PPP1R9A: variants seen among roughly 807,000 people sequenced by gnomAD.
PPP1R9A encodes the protein neurabin-1.
In PPP1R9A, 59 loss-of-function variants were observed where a neutral mutation model predicts 141.9. The ratio of observed to expected loss-of-function variants is 0.42; its 90% CI spans 0.34 to 0.52. The LOEUF (loss-of-function observed/expected upper bound fraction) is 0.52. Ranked by LOEUF, PPP1R9A falls within the 20% of genes least tolerant of loss-of-function variation. PPP1R9A has a pLI of 0.10. For missense variants in PPP1R9A, 1,444 were observed against 1,611.9 expected, an observed-to-expected ratio of 0.90 and a Z score of 1.78; for synonymous variants, 500 against 569.7, an observed-to-expected ratio of 0.88 and a Z score of 1.74.
intron 12 of PPP1R9A, among the ~76,000 whole-genome samples, chr7:95,257,378 G>A (rs1172128593): frequency 6.6e-6 from 1 of 152,000 alleles, no homozygotes; most frequent in African/African-American, 2.4e-5. Flanking sequence ...TAGGAAAATT[G>A]ACCATCCATA....
At chr7:94,958,080 T>C (rs1797252702) in intron 2 of PPP1R9A, among the ~76,000 whole-genome samples, 1 of 152,090 alleles carries the variant, frequency 6.6e-6, no homozygotes, top group African/African-American at 2.4e-5. Flanking sequence ...AGACATACTT[T>C]GTATTTTGTG....
chr7:95,268,789 C>A, intron 13 of PPP1R9A, 82 bp downstream of exon 13: 1 of 1,510,588 alleles, frequency 6.6e-7, no homozygotes, highest in Non-Finnish European at 8.9e-7. Flanking sequence ...TATGATTTTT[C>A]TGCAAACAGA....
intron 2 of PPP1R9A, among the ~76,000 whole-genome samples, chr7:95,054,260 C>T (rs76078602): frequency 0.067 from 10,064 of 151,120 alleles, 420 homozygotes; most frequent in African/African-American, 0.12. Flanking sequence ...AGATTACAGG[C>T]GCCCACCACC....
At chr7:94,999,326 G>A (rs2030948) in intron 2 of PPP1R9A, among the ~76,000 whole-genome samples, 10,986 of 152,140 alleles carry the variant, frequency 0.072, 526 homozygotes, top group African/African-American at 0.14. Flanking sequence ...GCTGTCCTGT[G>A]TTCAGTCACT....
At chr7:95,270,500 G>T (rs1307617997) in intron 14 of PPP1R9A, among the ~76,000 whole-genome samples, 2 of 152,074 alleles carry the variant, frequency 1.3e-5, no homozygotes, top group East Asian at 1.9e-4. Flanking sequence ...AATTAGGATG[G>T]AGAAGTCCCA....
intron 4 of PPP1R9A, among the ~76,000 whole-genome samples, chr7:95,134,002 A>G (rs1825169376): frequency 6.6e-6 from 1 of 152,150 alleles, no homozygotes; most frequent in Non-Finnish European, 1.5e-5. Flanking sequence ...TTAAATTTTA[A>G]ATGCTTTAAA....
chr7:95,155,243 G>A (rs1217196839), intron 4 of PPP1R9A: 1 of 140,720 alleles, frequency 7.1e-6, no homozygotes, highest in African/African-American at 2.7e-5. Flanking sequence ...TAGGAGTATA[G>A]TGGCAGGATC....
chr7:95,278,447 A>G (rs551577407), intron 16 of PPP1R9A, among the ~76,000 whole-genome samples: 188 of 152,208 alleles, frequency 1.2e-3, no homozygotes, highest in African/African-American at 4.5e-3. Flanking sequence ...TTTTTTTCCC[A>G]TGGTGCTACT....
chr7:95,261,175 CG>C (rs565648361), intron 12 of PPP1R9A, among the ~76,000 whole-genome samples: 167 of 152,196 alleles, frequency 1.1e-3, no homozygotes, highest in Non-Finnish European at 1.8e-3. Context: ...ACAGTGTTCA[CG>C]TAAGATATCT....
rs974489830 is a variant in PPP1R9A, at chr7:95,120,821, A to G, written c.1638A>G (p.Gln546=). 5 of 1,613,116 alleles carry G rather than the reference A, an allele frequency of 3.1e-6. No homozygotes were observed. Among genetic ancestry groups the G allele is most frequent in the Admixed American group, 3.3e-5 (2 of 59,854 alleles). The part of the protein sequence containing the change: ...VKTVTEGGAA[Q]RDGRIQVNDQ... ...CAGTAACAGAAGGTGGTGCTGCTCA[A>G]CGGGATGGCAGGTAAATTAAGGACT... The change falls in exon 4 of 20, where the codon CAA becomes CAG. Residue 546 remains glutamine, a synonymous_variant. Transcript: ENST00000433360.
chr7:95,158,112 C>G (rs1208272335), intron 4 of PPP1R9A, among the ~76,000 whole-genome samples: 1 of 152,028 alleles, frequency 6.6e-6, no homozygotes, highest in Non-Finnish European at 1.5e-5. Flanking sequence ...AGCATTGATG[C>G]AAGGATAAAC....
chr7:95,269,447 G>T lies in PPP1R9A; in HGVS notation c.3064G>T (p.Asp1022Tyr). The part of the protein sequence containing the change: ...SLFSTSKSDH[D>Y]VEESPCHHQT... ...GTTTTCTACTTCAAAGTCTGATCATGATGTGGAAGAATCTCCTTGCCATCA... is the reference window on the plus strand; with the variant it reads ...GTTTTCTACTTCAAAGTCTGATCATTATGTGGAAGAATCTCCTTGCCATCA... Residue 1022 changes from aspartate (D) to tyrosine (Y), a missense_variant, in exon 14 of 20, where the codon GAT becomes TAT. Transcript: ENST00000433360. 1 of 1,591,018 alleles carries T rather than the reference G, an allele frequency of 6.3e-7. No homozygotes were observed.
At chr7:95,135,534 C>T (rs1825492414) in intron 4 of PPP1R9A, among the ~76,000 whole-genome samples, 2 of 152,084 alleles carry the variant, frequency 1.3e-5, no homozygotes, top group Admixed American at 1.3e-4. Context: ...CCCATTAAGG[C>T]AATTATCACC....
chr7:95,257,213 A>C (rs905213025), intron 12 of PPP1R9A, among the ~76,000 whole-genome samples: 1 of 152,192 alleles, frequency 6.6e-6, no homozygotes, highest in Non-Finnish European at 1.5e-5. Context: ...AGTAAAAGTG[A>C]TTAAGACCAC....
chr7:94,938,092 C>A (rs1187036056), intron 2 of PPP1R9A, among the ~76,000 whole-genome samples: 2 of 152,110 alleles, frequency 1.3e-5, no homozygotes. Context: ...TGGTACCAGT[C>A]TGTGGCCTGT....
intron 4 of PPP1R9A, among the ~76,000 whole-genome samples, chr7:95,147,601 T>C (rs1034863255): frequency 7.9e-5 from 12 of 152,216 alleles, no homozygotes; most frequent in African/African-American, 2.9e-4. Context: ...CTTGCAGCTT[T>C]TGCCCATTCG....
chr7:95,002,807 C>A (rs1269684956), intron 2 of PPP1R9A, among the ~76,000 whole-genome samples: 1 of 152,052 alleles, frequency 6.6e-6, no homozygotes, highest in Non-Finnish European at 1.5e-5. Flanking sequence ...CTTCAGGTGT[C>A]CTTAAACTGT....
chr7:95,118,635 A>T (rs1821938041), intron 3 of PPP1R9A, among the ~76,000 whole-genome samples: 1 of 152,114 alleles, frequency 6.6e-6, no homozygotes, highest in South Asian at 2.1e-4. Flanking sequence ...GTTGGTTATA[A>T]GTAGTAATGT....
intron 15 of PPP1R9A, 21 bp from the exon 16 acceptor site, chr7:95,274,064 G>T (rs761721481): frequency 1.3e-6 from 2 of 1,533,370 alleles, no homozygotes; most frequent in Non-Finnish European, 1.8e-6. Flanking sequence ...TCCCCTTTCT[G>T]ACTGCTTACT....
Sources: gnomAD v4.1 joint callset for allele counts (sites outside exome capture counted in the v4.1 genomes callset) on GRCh38, gnomAD v4.1.1 for gene constraint, MANE v1.5 for transcripts, NCBI Gene and HGNC (gene_info 2026-07-23, HGNC 2026-07-21) for gene names.